The following GLDN variants were observed in gnomAD, a reference collection of about 807,000 sequenced individuals.
The protein encoded by GLDN is collomin.
In GLDN, 47 loss-of-function variants were observed where a neutral mutation model predicts 56.5. The ratio of observed to expected loss-of-function variants is 0.83; its 90% CI spans 0.66 to 1.06. The LOEUF (loss-of-function observed/expected upper bound fraction) is 1.06. Ranked by LOEUF, GLDN falls within the 50% of genes least tolerant of loss-of-function variation. GLDN has a pLI of 0.00. For synonymous variants in GLDN, 332 were observed against 278.8 expected (o/e 1.19, Z -1.90); for missense variants, 782 against 714.3 (o/e 1.09, Z -1.08).
intron 2 of GLDN, among the ~76,000 whole-genome samples, chr15:51,380,639 T>C (rs1355298875): frequency 6.6e-6 from 1 of 152,180 alleles, no homozygotes; most frequent in Non-Finnish European, 1.5e-5. Context: ...CTTTCTCTTC[T>C]GAAATTCTCT....
At chr15:51,399,991 C>T (rs1566951859) in intron 6 of GLDN, among the ~76,000 whole-genome samples, 1 of 152,124 alleles carries the variant, frequency 6.6e-6, no homozygotes, top group Admixed American at 6.5e-5. Flanking sequence ...CCTGGGAACT[C>T]AACAAGCAGG....
chr15:51,383,189 C>T lies in GLDN; in HGVS notation c.416-247C>T, dbSNP rs1667458787. Reference sequence around the variant, plus strand: ...CTTGAGAGATGACTAATTTATCAATCTAGAGTGAGGACAGCTCAGAAATTA... The same window carrying T: ...CTTGAGAGATGACTAATTTATCAATTTAGAGTGAGGACAGCTCAGAAATTA... On this transcript the variant is annotated intron_variant, in intron 2 of 9. Transcript: ENST00000335449. Among the ~76,000 whole-genome samples, 3 of 152,148 alleles carry T rather than the reference C, an allele frequency of 2.0e-5. No individual in the cohort carries two copies. In the South Asian group the frequency reaches 6.2e-4, roughly 32 times the overall value.
intron 2 of GLDN, among the ~76,000 whole-genome samples, chr15:51,378,996 T>C (rs1156843558): frequency 1.3e-5 from 2 of 152,184 alleles, no homozygotes; most frequent in Non-Finnish European, 2.9e-5. Context: ...AGCTTCCCAC[T>C]GGATTCATCT....
At chr15:51,377,418 G>C (rs773548307) in intron 1 of GLDN, 31 bp from the exon 2 acceptor site, 2 of 1,598,156 alleles carry the variant, frequency 1.3e-6, no homozygotes, top group Middle Eastern at 1.7e-4. Flanking sequence ...GCTGCCCACT[G>C]TCTGCTCTGA....
intron 5 of GLDN, among the ~76,000 whole-genome samples, 180 bp from the exon 6 acceptor site, chr15:51,397,290 C>T (rs528101800): frequency 6.6e-6 from 1 of 151,724 alleles, no homozygotes; most frequent in Admixed American, 6.6e-5. Flanking sequence ...TTCCCTTCTT[C>T]CCACCCTCTC....
At chr15:51,356,156 G>A (rs549072899) in intron 1 of GLDN, among the ~76,000 whole-genome samples, 156 of 149,478 alleles carry the variant, frequency 1.0e-3, no homozygotes, top group African/African-American at 3.5e-3. Context: ...GCAGTGAGCC[G>A]AAATCGCGCC....
intron 1 of GLDN, among the ~76,000 whole-genome samples, chr15:51,342,921 G>A (rs2036912579): frequency 6.6e-6 from 1 of 152,274 alleles, no homozygotes. Context: ...AGTCTTCAAA[G>A]CCTCAAAGAT....
chr15:51,350,868 AACCATCAGG>A (rs1392754191), intron 1 of GLDN, among the ~76,000 whole-genome samples: 1 of 152,180 alleles, frequency 6.6e-6, no homozygotes, highest in Non-Finnish European at 1.5e-5. Flanking sequence ...AATGGCATGA[AACCATCAGG>A]ACCTACTCTC....
intron 1 of GLDN, among the ~76,000 whole-genome samples, chr15:51,360,960 C>G (rs996619146): frequency 3.0e-4 from 45 of 152,214 alleles, no homozygotes; most frequent in Non-Finnish European, 1.5e-4. Flanking sequence ...ATTCTTTTGT[C>G]CATTCCTCCC....
chr15:51,366,527 A>G (rs1271206198), intron 1 of GLDN, among the ~76,000 whole-genome samples: 2 of 152,254 alleles, frequency 1.3e-5, no homozygotes, highest in African/African-American at 4.8e-5. Flanking sequence ...GGTTGTTTCT[A>G]TAAGTCTTAG....
Position 51,341,747 on chromosome 15 carries a change from G to C in GLDN, c.63G>C (p.Ala21=). 6.8e-7 allele frequency: 1 copy of C among 1,468,180 alleles called. No individual in the cohort carries two copies. Among genetic ancestry groups the C allele is most frequent in the African/African-American group, 1.5e-5 (1 of 67,664 alleles). The allele number at this position is 1,468,180 out of a possible 1,614,324, so 90.9% of individuals were successfully genotyped here. ...GTTGGGGCCTGCGTGGCGCCCTGGCGGCCGTGGCGCTGCTCTCGGCGCTCA... is the reference window on the plus strand; with the variant it reads ...GTTGGGGCCTGCGTGGCGCCCTGGCCGCCGTGGCGCTGCTCTCGGCGCTCA... The part of the protein sequence containing the change: ...DAGWGLRGAL[A]AVALLSALNA... The change falls in exon 1 of 10, where the codon GCG becomes GCC. Residue 21 remains alanine (A), a synonymous_variant. Coordinates refer to ENST00000335449, the MANE Select transcript of GLDN (RefSeq NM_181789.4).
chr15:51,358,420 T>C (rs1364506928), intron 1 of GLDN, among the ~76,000 whole-genome samples: 5 of 152,156 alleles, frequency 3.3e-5, no homozygotes, highest in African/African-American at 1.2e-4. Flanking sequence ...AACCTAAGAC[T>C]CACTCTTAGA....
intron 5 of GLDN, among the ~76,000 whole-genome samples, chr15:51,395,761 T>TA (rs35521145): frequency 0.61 from 92,896 of 151,818 alleles, 29,042 homozygotes; most frequent in Non-Finnish European, 0.69. Context: ...TTTATATATT[T>TA]AAAAAAAGGT....
chr15:51,377,398 C>G (rs2037655886), intron 1 of GLDN, 51 bp from the exon 2 acceptor site: 1 of 1,462,606 alleles, frequency 6.8e-7, no homozygotes, highest in African/African-American at 1.4e-5. Flanking sequence ...AAAGGATGAG[C>G]CCAGGGCCTG....
intron 8 of GLDN, among the ~76,000 whole-genome samples, chr15:51,400,745 G>A (rs1031463148): frequency 2.6e-5 from 4 of 152,184 alleles, no homozygotes; most frequent in African/African-American, 9.7e-5. Flanking sequence ...GCCTGTTTTA[G>A]GACAAGTATC....
intron 1 of GLDN, among the ~76,000 whole-genome samples, chr15:51,355,709 G>C (rs1198756104): frequency 6.7e-6 from 1 of 150,128 alleles, no homozygotes; most frequent in Non-Finnish European, 1.5e-5. Flanking sequence ...ATTTTTAGTA[G>C]AGACGGGGTT....
At chr15:51,364,683 A>T (rs2037366422) in intron 1 of GLDN, among the ~76,000 whole-genome samples, 1 of 152,258 alleles carries the variant, frequency 6.6e-6, no homozygotes. Context: ...GTTAATAAAA[A>T]TAGCCATTTT....
intron 1 of GLDN, among the ~76,000 whole-genome samples, chr15:51,369,591 C>G (rs1357133589): frequency 6.6e-6 from 1 of 152,216 alleles, no homozygotes; most frequent in Non-Finnish European, 1.5e-5. Context: ...GCCAGCCAAA[C>G]ACTGTGAGGT....
intron 4 of GLDN, among the ~76,000 whole-genome samples, chr15:51,389,331 G>C (rs1041689027): frequency 1.3e-5 from 2 of 152,222 alleles, no homozygotes; most frequent in African/African-American, 2.4e-5. Flanking sequence ...ATTAATGAAT[G>C]CATGCATGAA....
Sources: gnomAD v4.1 joint callset for allele counts (sites outside exome capture counted in the v4.1 genomes callset) on GRCh38, gnomAD v4.1.1 for gene constraint, MANE v1.5 for transcripts, NCBI Gene and HGNC (gene_info 2026-07-23, HGNC 2026-07-21) for gene names.